Variants in DHRS7B observed in about 807,000 individuals in gnomAD.
DHRS7B encodes dehydrogenase/reductase 7B.
In DHRS7B, 24 loss-of-function variants were observed where a neutral mutation model predicts 26.4. That is an observed-to-expected ratio of 0.91 (90% confidence interval 0.66 to 1.28). The LOEUF (loss-of-function observed/expected upper bound fraction) is 1.28. DHRS7B is among the 50% of genes most tolerant of loss of function. The pLI is 0.00. For missense variants in DHRS7B, 368 were observed against 419.4 expected (o/e 0.88, Z 1.07); for synonymous variants, 142 against 166.4 (o/e 0.85, Z 1.13).
chr17:21,190,883 C>G lies in DHRS7B; in HGVS notation c.773-65C>G. ...AGGCTGACCTGACGACTCACATCAG[C>G]TCCACTCCTCAAGAGGGACCTCTGC... On this transcript the variant is annotated intron_variant, in intron 6 of 6. Transcript: ENST00000395511. 1.9e-6 allele frequency: 3 copies of G among 1,559,316 alleles called. No individual in the cohort carries two copies. In the Admixed American group the frequency reaches 5.1e-5, roughly 27 times the overall value.
intron 1 of DHRS7B, among the ~76,000 whole-genome samples, chr17:21,141,359 T>C (rs1198229353): frequency 2.0e-5 from 3 of 152,076 alleles, no homozygotes; most frequent in African/African-American, 4.8e-5. Flanking sequence ...ACATTAAATT[T>C]GAGAGAAAAA....
At chr17:21,147,159 T>G (rs975651065) in intron 1 of DHRS7B, among the ~76,000 whole-genome samples, 2 of 152,176 alleles carry the variant, frequency 1.3e-5, no homozygotes, top group Non-Finnish European at 2.9e-5. Flanking sequence ...TTAGAGTCTG[T>G]TGAGGTGCTG....
At position 21,147,324 on chromosome 17, in the gene DHRS7B, G is replaced by A. The variant is rs761881770; in HGVS notation, c.20+20333G>A. On this transcript the variant is annotated intron_variant, in intron 1 of 6. Transcript: ENST00000395511. ...GGCCCTGAAGTACACATGGAAGTCA[G>A]CCCACTGAACATGGGCTGACAAAAA... is the stretch of plus-strand genomic sequence containing the variant. Among the ~76,000 whole-genome samples the A allele has an allele frequency of 8.2e-4, 124 of 152,120 alleles. 1 individual carries two copies. Among genetic ancestry groups the A allele is most frequent in the Non-Finnish European group, 1.5e-3 (103 of 68,030 alleles).
chr17:21,171,431 G>A (rs1974244399), intron 1 of DHRS7B, among the ~76,000 whole-genome samples: 1 of 152,184 alleles, frequency 6.6e-6, no homozygotes, highest in Non-Finnish European at 1.5e-5. Context: ...CTTGGGGCAG[G>A]GCCCTGCACT....
chr17:21,167,682 ACT>A (rs1433682668), intron 1 of DHRS7B, among the ~76,000 whole-genome samples: 1 of 152,122 alleles, frequency 6.6e-6, no homozygotes, highest in South Asian at 2.1e-4. Flanking sequence ...TGCTAGACAG[ACT>A]CTGTCCCTTC....
At chr17:21,135,266 G>A (rs922056652) in intron 1 of DHRS7B, among the ~76,000 whole-genome samples, 1 of 152,084 alleles carries the variant, frequency 6.6e-6, no homozygotes, top group African/African-American at 2.4e-5. Flanking sequence ...CAGCCCAAAG[G>A]AAACCAAACA....
At chr17:21,159,172 T>G (rs891065924) in intron 1 of DHRS7B, among the ~76,000 whole-genome samples, 1 of 152,080 alleles carries the variant, frequency 6.6e-6, no homozygotes, top group African/African-American at 2.4e-5. Context: ...TAAAAACTTC[T>G]AGTCTGAGAA....
rs753743900 is a variant in DHRS7B at position 21,172,002 on chromosome 17, G to A, written c.21-16G>A. 3 of 1,614,074 alleles carry A rather than the reference G, an allele frequency of 1.9e-6. No individual in the cohort carries two copies. The highest frequency in any genetic ancestry group is 2.5e-6 in the Non-Finnish European group (3 of 1,180,036). ...TGCTACTTTGTCACTGGTGTGTTTG[G>A]TTTTGGTTCTTCCAGGAAGAGTCTG... is the stretch of plus-strand genomic sequence containing the variant. On this transcript the variant is annotated splice_polypyrimidine_tract_variant and intron_variant, in intron 1 of 6. Coordinates refer to ENST00000395511, the MANE Select transcript of DHRS7B (RefSeq NM_015510.5).
intron 1 of DHRS7B, among the ~76,000 whole-genome samples, chr17:21,153,054 G>A (rs1165637450): frequency 6.6e-6 from 1 of 152,188 alleles, no homozygotes; most frequent in Non-Finnish European, 1.5e-5. Context: ...GACTGAAGAA[G>A]CATCAGAACC....
At chr17:21,133,798 G>C (rs1373834678) in intron 1 of DHRS7B, among the ~76,000 whole-genome samples, 1 of 152,110 alleles carries the variant, frequency 6.6e-6, no homozygotes, top group Non-Finnish European at 1.5e-5. Flanking sequence ...GAGAAAATGG[G>C]GGGAGGAAGG....
chr17:21,149,488 A>C (rs1973713252), intron 1 of DHRS7B, among the ~76,000 whole-genome samples: 1 of 152,218 alleles, frequency 6.6e-6, no homozygotes, highest in Admixed American at 6.5e-5. Flanking sequence ...TGTGGTGTTC[A>C]ATTCACTCAT....
At chr17:21,137,120 G>A (rs1440428506) in intron 1 of DHRS7B, among the ~76,000 whole-genome samples, 1 of 150,588 alleles carries the variant, frequency 6.6e-6, no homozygotes, top group African/African-American at 2.4e-5. Context: ...ACAGGCGCCT[G>A]CCATCATGCC....
chr17:21,180,623 A>G (rs1010272162), intron 3 of DHRS7B, among the ~76,000 whole-genome samples: 30 of 151,816 alleles, frequency 2.0e-4, no homozygotes, highest in African/African-American at 7.0e-4. Flanking sequence ...GTCTTATGTC[A>G]GTACCATACT....
chr17:21,159,247 TTTC>T (rs1478813134), intron 1 of DHRS7B, among the ~76,000 whole-genome samples: 1 of 126,168 alleles, frequency 7.9e-6, no homozygotes, highest in Non-Finnish European at 1.7e-5. Context: ...TTTTTCTTTC[TTTC>T]TTTTTTTTTT....
At position 21,163,510 on chromosome 17, in the gene DHRS7B, G is replaced by A. The variant is rs188047856; in HGVS notation, c.21-8508G>A. Among the ~76,000 whole-genome samples, 6 of 152,256 alleles carry A rather than the reference G, an allele frequency of 3.9e-5. No individual in the cohort carries two copies. The East Asian group carries it at 9.6e-4, about 24-fold the overall frequency. On this transcript the variant is annotated intron_variant, in intron 1 of 6. Coordinates refer to ENST00000395511, the MANE Select transcript of DHRS7B (RefSeq NM_015510.5). Reference sequence around the variant, plus strand: ...TCTCTTCTGTCCCCACTTCAATGCCGCCGTGAAGAAAATCCCATGAAATGT... The same window carrying A: ...TCTCTTCTGTCCCCACTTCAATGCCACCGTGAAGAAAATCCCATGAAATGT...
chr17:21,180,872 C>T (rs1268578330), intron 3 of DHRS7B, among the ~76,000 whole-genome samples: 5 of 149,316 alleles, frequency 3.3e-5, no homozygotes, highest in Non-Finnish European at 5.9e-5. Flanking sequence ...GGAATAACAT[C>T]GAATCTATTG....
intron 1 of DHRS7B, among the ~76,000 whole-genome samples, chr17:21,149,328 G>A (rs887954458): frequency 4.6e-5 from 7 of 152,114 alleles, no homozygotes; most frequent in African/African-American, 1.2e-4. Flanking sequence ...AGAATTTACC[G>A]CCACTAAACC....
chr17:21,177,307 TCTC>T (rs1974403245), intron 2 of DHRS7B, among the ~76,000 whole-genome samples: 2 of 152,228 alleles, frequency 1.3e-5, no homozygotes, highest in Non-Finnish European at 2.9e-5. Context: ...GCCATCCGGC[TCTC>T]CTCTTCATTC....
intron 6 of DHRS7B, 128 bp downstream of exon 6, chr17:21,188,991 T>G (rs1317732209): frequency 4.0e-6 from 5 of 1,260,504 alleles, no homozygotes; most frequent in Non-Finnish European, 5.5e-6. Flanking sequence ...GAAAAAAACT[T>G]GACAGAGGTG....
Sources: allele counts gnomAD v4.1 joint callset (sites outside exome capture counted in the v4.1 genomes callset), GRCh38; gene constraint gnomAD v4.1.1; transcripts MANE v1.5; gene names NCBI Gene and HGNC (gene_info 2026-07-23, HGNC 2026-07-21).